ATP8B4: variants seen among roughly 807,000 people sequenced by gnomAD.
ATP8B4 encodes the protein ATPase phospholipid transporting 8B4 (putative), also known as probable phospholipid-transporting ATPase IM.
Under a neutral mutation model 145.6 loss-of-function variants are expected in ATP8B4, and 133 were observed. That is an observed-to-expected ratio of 0.91 (90% CI 0.79 to 1.05). The LOEUF (loss-of-function observed/expected upper bound fraction) is 1.05. Among genes scored for constraint, ATP8B4 ranks in the 50% least tolerant of loss-of-function variants. The pLI is 0.00. For missense variants in ATP8B4, 1,458 were observed against 1,425.2 expected (o/e 1.02, Z -0.37); for synonymous variants, 507 against 492.9 (o/e 1.03, Z -0.38).
rs562918680 is a variant in ATP8B4 at position 50,159,528 on chromosome 15, T to C, written c.-43+22733A>G. Among the ~76,000 whole-genome samples, 3 of 152,338 alleles carry C rather than the reference T, an allele frequency of 2.0e-5. No individual in the cohort carries two copies. In the South Asian group the frequency reaches 6.2e-4, roughly 32 times the overall value. On this transcript the variant is annotated intron_variant, in intron 1 of 3. Coordinates refer to the ATP8B4 transcript ENST00000558829. ...CTTAAACAGTACTTCCAGTACTATG[T>C]TGAATAACAGTGGTGAAAGTGGGTA...
chr15:50,087,946 A>C (rs1464118134), intron 2 of ATP8B4, among the ~76,000 whole-genome samples: 2 of 152,200 alleles, frequency 1.3e-5, no homozygotes, highest in Non-Finnish European at 2.9e-5. Context: ...AAATGAAGAC[A>C]CTGTGTTGTT....
chr15:50,173,924 A>G (rs2044726140), intron 1 of ATP8B4, among the ~76,000 whole-genome samples: 1 of 152,216 alleles, frequency 6.6e-6, no homozygotes, highest in Non-Finnish European at 1.5e-5. Flanking sequence ...ATCCAACAAC[A>G]TATCAAACAG....
intron 14 of ATP8B4, among the ~76,000 whole-genome samples, chr15:49,942,944 C>T (rs895908948): frequency 2.0e-5 from 3 of 152,202 alleles, no homozygotes; most frequent in East Asian, 3.9e-4. Flanking sequence ...TGTAAAGATG[C>T]TCTACAAGCT....
intron 23 of ATP8B4, among the ~76,000 whole-genome samples, chr15:49,891,038 A>T (rs1237050794): frequency 6.6e-6 from 1 of 152,308 alleles, no homozygotes; most frequent in East Asian, 1.9e-4. Flanking sequence ...AATTTTAGAA[A>T]TTACAAGATT....
chr15:50,066,209 T>A (rs142286019), intron 3 of ATP8B4, among the ~76,000 whole-genome samples: 1 of 152,196 alleles, frequency 6.6e-6, no homozygotes, highest in Non-Finnish European at 1.5e-5. Context: ...GTAAATTATT[T>A]ATAAAGAAAA....
chr15:50,053,241 G>C (rs2052330783), intron 3 of ATP8B4, among the ~76,000 whole-genome samples: 1 of 152,206 alleles, frequency 6.6e-6, no homozygotes, highest in Non-Finnish European at 1.5e-5. Context: ...CCAAGGTTCA[G>C]AGAGATTAAG....
intron 14 of ATP8B4, among the ~76,000 whole-genome samples, chr15:49,952,459 G>C (rs1187037621): frequency 6.6e-6 from 1 of 152,018 alleles, no homozygotes; most frequent in Admixed American, 6.6e-5. Context: ...TTTGAACTCT[G>C]ATATCCTTTC....
intron 23 of ATP8B4, among the ~76,000 whole-genome samples, chr15:49,888,218 C>A (rs941167918): frequency 8.5e-5 from 13 of 152,180 alleles, no homozygotes; most frequent in Non-Finnish European, 1.8e-4. Context: ...CCCCAGAGCA[C>A]ATCTGGAAGG....
intron 1 of ATP8B4, among the ~76,000 whole-genome samples, chr15:50,110,421 A>G (rs187927869): frequency 6.6e-6 from 1 of 152,312 alleles, no homozygotes; most frequent in African/African-American, 2.4e-5. Flanking sequence ...AAATACCACC[A>G]CTGACACTCG....
chr15:50,097,313 A>T (rs2056052602), intron 2 of ATP8B4, among the ~76,000 whole-genome samples: 1 of 152,130 alleles, frequency 6.6e-6, no homozygotes, highest in Non-Finnish European at 1.5e-5. Context: ...TAAATAATAT[A>T]TGCTCAAAGC....
At chr15:50,069,190 T>G (rs2053571139) in intron 3 of ATP8B4, among the ~76,000 whole-genome samples, 1 of 152,208 alleles carries the variant, frequency 6.6e-6, no homozygotes, top group Non-Finnish European at 1.5e-5. Flanking sequence ...ATTTTGGCAG[T>G]CTAAATCCCT....
In ATP8B4 at chr15:49,915,020, A is replaced by G. The variant is rs528788384; in HGVS notation, c.2141+1914T>C. Among the ~76,000 whole-genome samples the G allele has an allele frequency of 1.4e-4, 22 of 152,292 alleles. No individual in the cohort carries two copies. The South Asian group carries it at 4.6e-3, about 32-fold the overall frequency. ...GATATCTGCACCCCATGTTTACTGT[A>G]GCACTACTCATAATATCAAATATAT... On this transcript the variant is annotated intron_variant, in intron 20 of 27. Coordinates refer to ENST00000284509, the MANE Select transcript of ATP8B4 (RefSeq NM_024837.4).
intron 1 of ATP8B4, among the ~76,000 whole-genome samples, chr15:50,145,861 CA>C (rs1219812983): frequency 2.6e-5 from 4 of 151,112 alleles, no homozygotes; most frequent in Non-Finnish European, 5.9e-5. Flanking sequence ...CTAATTTTTG[CA>C]AAAAAAGAAA....
chr15:49,942,514 A>C (rs1361583071), intron 14 of ATP8B4, among the ~76,000 whole-genome samples: 1 of 152,098 alleles, frequency 6.6e-6, no homozygotes, highest in Non-Finnish European at 1.5e-5. Flanking sequence ...GTGAAATTGG[A>C]GAGAGCACTG....
At position 49,901,364 on chromosome 15, in the gene ATP8B4, C is replaced by T. The variant is rs1408620747; in HGVS notation, c.2142-125G>A. The T allele has an allele frequency of 3.0e-6, 3 of 1,016,604 alleles. No individual in the cohort carries two copies. In the African/African-American group the frequency reaches 4.9e-5, roughly 17 times the overall value. The allele number at this position is 1,016,604 out of a possible 1,614,324, so 63.0% of individuals were successfully genotyped here. A position where few individuals can be genotyped will look rare whatever the true frequency, so the allele number is the denominator to read the frequency against. ...TATTCAGAGAGAATATGGCATAAGA[C>T]CCAGTTTCAGTAAGCAAGCTGGATA... is the stretch of plus-strand genomic sequence containing the variant. On this transcript the variant is annotated intron_variant, in intron 20 of 27. Transcript: ENST00000284509.
chr15:50,017,758 T>C (rs764431256), intron 6 of ATP8B4, among the ~76,000 whole-genome samples: 3 of 152,344 alleles, frequency 2.0e-5, no homozygotes, highest in Admixed American at 6.5e-5. Flanking sequence ...ATGTGGTTTG[T>C]TCTGGCCAGA....
chr15:50,072,030 T>C (rs1222526939), intron 3 of ATP8B4, among the ~76,000 whole-genome samples: 4 of 150,466 alleles, frequency 2.7e-5, no homozygotes, highest in African/African-American at 9.7e-5. Context: ...TAATAAATAT[T>C]AATAAATATT....
At chr15:50,103,364 G>C (rs1292145014) in intron 2 of ATP8B4, among the ~76,000 whole-genome samples, 1 of 152,040 alleles carries the variant, frequency 6.6e-6, no homozygotes, top group Non-Finnish European at 1.5e-5. Context: ...CTTCCAAAAA[G>C]CTCCTAGAAA....
At chr15:49,898,509 T>A (rs2037668396) in intron 21 of ATP8B4, among the ~76,000 whole-genome samples, 1 of 152,194 alleles carries the variant, frequency 6.6e-6, no homozygotes, top group Non-Finnish European at 1.5e-5. Flanking sequence ...TTATATGTCT[T>A]CCTTGATATC....
Sources: allele counts gnomAD v4.1 joint callset (sites outside exome capture counted in the v4.1 genomes callset), GRCh38; gene constraint gnomAD v4.1.1; transcripts MANE v1.5; gene names NCBI Gene and HGNC (gene_info 2026-07-23, HGNC 2026-07-21).